The following SPSB4 variants were observed in gnomAD, a reference collection of about 807,000 sequenced individuals.
SPSB4 encodes the protein SPRY domain-containing SOCS box protein 4.
Under a neutral mutation model 20.9 loss-of-function variants are expected in SPSB4, and 21 were observed. That is an observed-to-expected ratio of 1.01 (90% confidence interval 0.71 to 1.45). The LOEUF (loss-of-function observed/expected upper bound fraction) is 1.45. Among genes scored for constraint, SPSB4 ranks in the 40% most tolerant of loss-of-function variants. The pLI is 0.00. For synonymous variants in SPSB4, 207 were observed against 183.8 expected, an observed-to-expected ratio of 1.13 and a Z score of -1.02; for missense variants, 399 against 399.2, an observed-to-expected ratio of 1.00 and a Z score of 0.00.
chr3:141,093,067 A>G (rs1938485398), intron 2 of SPSB4, among the ~76,000 whole-genome samples: 1 of 152,026 alleles, frequency 6.6e-6, no homozygotes, highest in South Asian at 2.1e-4. Flanking sequence ...TGGGGCTGAG[A>G]CCGCATGACA....
chr3:141,095,732 ACCAGGGTGGAGCTGG>A (rs1938537507), intron 2 of SPSB4, among the ~76,000 whole-genome samples: 1 of 152,124 alleles, frequency 6.6e-6, no homozygotes, highest in African/African-American at 2.4e-5. Flanking sequence ...CCTGAGGCTA[ACCAGGGTGGAGCTGG>A]CACTGTGGGC....
chr3:141,140,607 G>C (rs1216624143), intron 2 of SPSB4, among the ~76,000 whole-genome samples: 1 of 152,336 alleles, frequency 6.6e-6, no homozygotes, highest in East Asian at 1.9e-4. Flanking sequence ...TCCAGACCCT[G>C]TTTGCCTGGG....
intron 1 of SPSB4, among the ~76,000 whole-genome samples, chr3:141,054,377 G>A (rs1359904383): frequency 4.6e-5 from 7 of 152,200 alleles, no homozygotes; most frequent in African/African-American, 7.2e-5. Context: ...ATGTGAACAT[G>A]ACCATCTGTG....
chr3:141,098,633 G>A (rs1388592747), intron 2 of SPSB4, among the ~76,000 whole-genome samples: 1 of 152,094 alleles, frequency 6.6e-6, no homozygotes, highest in African/African-American at 2.4e-5. Flanking sequence ...GTAATTATCT[G>A]CCTCACTGAA....
intron 2 of SPSB4, among the ~76,000 whole-genome samples, chr3:141,082,062 C>A: frequency 6.6e-6 from 1 of 152,160 alleles, no homozygotes; most frequent in East Asian, 1.9e-4. Flanking sequence ...ACACGTCTTT[C>A]TCTTTTCCTC....
At chr3:141,097,946 C>T (rs368561966) in intron 2 of SPSB4, among the ~76,000 whole-genome samples, 2 of 152,130 alleles carry the variant, frequency 1.3e-5, no homozygotes, top group East Asian at 3.8e-4. Context: ...ACTTAATTCC[C>T]GCAGTATTTA....
intron 2 of SPSB4, among the ~76,000 whole-genome samples, chr3:141,139,804 A>G (rs1338435860): frequency 1.3e-5 from 2 of 152,128 alleles, no homozygotes. Flanking sequence ...GAATCTGACA[A>G]TTATGTGTCT....
At chr3:141,101,087 G>A (rs1314755791) in intron 2 of SPSB4, among the ~76,000 whole-genome samples, 2 of 152,210 alleles carry the variant, frequency 1.3e-5, no homozygotes, top group Non-Finnish European at 2.9e-5. Flanking sequence ...TGTGGTACGA[G>A]TTGTCATGGG....
chr3:141,111,122 G>C (rs1022069294), intron 2 of SPSB4, among the ~76,000 whole-genome samples: 7 of 152,194 alleles, frequency 4.6e-5, no homozygotes, highest in Non-Finnish European at 1.0e-4. Context: ...GAAGACACTA[G>C]TGCAGGACTA....
chr3:141,067,188 T>C (rs1937904483), intron 2 of SPSB4, among the ~76,000 whole-genome samples: 4 of 152,244 alleles, frequency 2.6e-5, no homozygotes, highest in Non-Finnish European at 4.4e-5. Context: ...TGACCCAAGC[T>C]AGTCACAATG....
chr3:141,072,077 G>T (rs75871843), intron 2 of SPSB4, among the ~76,000 whole-genome samples: 1 of 152,208 alleles, frequency 6.6e-6, no homozygotes, highest in African/African-American at 2.4e-5. Context: ...GGGCCTGGTC[G>T]CCCCTTTGCC....
chr3:141,055,042 A>G (rs1937616131), intron 1 of SPSB4, among the ~76,000 whole-genome samples: 1 of 152,216 alleles, frequency 6.6e-6, no homozygotes, highest in African/African-American at 2.4e-5. Context: ...GCACGTCTTA[A>G]TGCAGCCAGA....
At chr3:141,090,310 C>T (rs1938426247) in intron 2 of SPSB4, among the ~76,000 whole-genome samples, 1 of 152,156 alleles carries the variant, frequency 6.6e-6, no homozygotes, top group Non-Finnish European at 1.5e-5. Flanking sequence ...AAGTCTCTGT[C>T]CTCATGAAGC....
chr3:141,140,843 A>G (rs1177294426), intron 2 of SPSB4, among the ~76,000 whole-genome samples: 5 of 151,944 alleles, frequency 3.3e-5, no homozygotes, highest in Non-Finnish European at 7.4e-5. Flanking sequence ...GAGAACCACT[A>G]CTCTCTTCAA....
chr3:141,096,021 T>C (rs1938542900), intron 2 of SPSB4, among the ~76,000 whole-genome samples: 1 of 152,040 alleles, frequency 6.6e-6, no homozygotes. Flanking sequence ...TTTATATGAC[T>C]TTTGACAACA....
intron 2 of SPSB4, among the ~76,000 whole-genome samples, chr3:141,144,985 TG>T (rs779421934): frequency 4.6e-5 from 7 of 151,862 alleles, no homozygotes; most frequent in Non-Finnish European, 7.4e-5. Flanking sequence ...GGAGGAGAGA[TG>T]GGGACACCCT....
chr3:141,123,817 C>T lies in SPSB4; in HGVS notation c.695-23325C>T, dbSNP rs150450907. On this transcript the variant is annotated intron_variant, in intron 2 of 2. Coordinates refer to ENST00000310546, the MANE Select transcript of SPSB4 (RefSeq NM_080862.3). ...GGGTGCATGCCAACCCAGAGGCACCCCCACCTGACACTCTCCCCATGTGAC... is the reference window on the plus strand; with the variant it reads ...GGGTGCATGCCAACCCAGAGGCACCTCCACCTGACACTCTCCCCATGTGAC... Among the ~76,000 whole-genome samples the T allele has an allele frequency of 1.9e-3, 290 of 152,338 alleles. 1 individual carries two copies. Among genetic ancestry groups the T allele is most frequent in the African/African-American group, 6.7e-3 (279 of 41,590 alleles).
rs553543813 is a variant in SPSB4 at position 141,053,046 on chromosome 3, C to G, written c.-154+1054C>G. Among the ~76,000 whole-genome samples, 185 of 152,324 alleles carry G rather than the reference C, an allele frequency of 1.2e-3. 1 individual carries two copies. Among genetic ancestry groups the G allele is most frequent in the Non-Finnish European group, 1.8e-3 (125 of 68,036 alleles). On this transcript the variant is annotated intron_variant, in intron 1 of 2. Coordinates refer to ENST00000310546, the MANE Select transcript of SPSB4 (RefSeq NM_080862.3). ...TCTGGAGTCAGGCTTGGGTTCGAAT[C>G]TGTCTCCACCACCAGCTCGCGGTGT...
At chr3:141,087,739 G>A (rs991556217) in intron 2 of SPSB4, among the ~76,000 whole-genome samples, 8 of 152,158 alleles carry the variant, frequency 5.3e-5, no homozygotes, top group Non-Finnish European at 7.4e-5. Flanking sequence ...CATTCCCCAC[G>A]TGCCCACCAA....
Sources: gnomAD v4.1 joint callset for allele counts (sites outside exome capture counted in the v4.1 genomes callset) on GRCh38, gnomAD v4.1.1 for gene constraint, MANE v1.5 for transcripts, NCBI Gene and HGNC (gene_info 2026-07-23, HGNC 2026-07-21) for gene names.